PIP5K1B: variants seen among roughly 807,000 people sequenced by gnomAD.
The protein encoded by PIP5K1B is phosphatidylinositol-4-phosphate 5-kinase type 1 beta, also known as phosphatidylinositol 4-phosphate 5-kinase type-1 beta.
In PIP5K1B, 42 loss-of-function variants were observed where a neutral mutation model predicts 67.0. The ratio of observed to expected loss-of-function variants is 0.63; its 90% CI spans 0.49 to 0.81. The LOEUF is 0.81. Among genes scored for constraint, PIP5K1B ranks in the 30% least tolerant of loss-of-function variants. The pLI is 0.00. For synonymous variants in PIP5K1B, 214 were observed against 231.4 expected, an observed-to-expected ratio of 0.92 and a Z score of 0.68; for missense variants, 459 against 646.3, an observed-to-expected ratio of 0.71 and a Z score of 3.14.
chr9:68,867,322 C>T (rs921969289), intron 5 of PIP5K1B, among the ~76,000 whole-genome samples: 4 of 152,228 alleles, frequency 2.6e-5, no homozygotes, highest in African/African-American at 4.8e-5. Context: ...TTTCTTTCAG[C>T]AGATGCTATC....
At chr9:68,766,727 T>A (rs1830445412) in intron 2 of PIP5K1B, among the ~76,000 whole-genome samples, 1 of 152,154 alleles carries the variant, frequency 6.6e-6, no homozygotes, top group African/African-American at 2.4e-5. Flanking sequence ...ATTTTAAATT[T>A]TTTTACAATA....
intron 7 of PIP5K1B, among the ~76,000 whole-genome samples, chr9:68,889,734 C>CAAAAA (rs11349016): frequency 1.3e-5 from 1 of 79,752 alleles, no homozygotes. Context: ...GACTCCTTCT[C>CAAAAA]AAAAAAAAAA....
intron 4 of PIP5K1B, among the ~76,000 whole-genome samples, chr9:68,842,144 T>A (rs1821950708): frequency 6.6e-6 from 1 of 152,206 alleles, no homozygotes; most frequent in Admixed American, 6.5e-5. Context: ...CTTGGATGGC[T>A]AATATACTCC....
At chr9:68,858,851 A>G (rs79265890) in intron 4 of PIP5K1B, among the ~76,000 whole-genome samples, 19,263 of 152,296 alleles carry the variant, frequency 0.13, 1,337 homozygotes, top group Non-Finnish European at 0.16. Flanking sequence ...AATTTTATAG[A>G]TAGTGTGCTG....
At chr9:68,817,398 T>TA (rs976521287) in intron 2 of PIP5K1B, among the ~76,000 whole-genome samples, 13 of 152,178 alleles carry the variant, frequency 8.5e-5, no homozygotes, top group African/African-American at 3.1e-4. Context: ...CCCACAAAAA[T>TA]AAAAGTACTA....
At chr9:68,923,952 C>A (rs2132546015) in intron 12 of PIP5K1B, among the ~76,000 whole-genome samples, 1 of 151,876 alleles carries the variant, frequency 6.6e-6, no homozygotes, top group East Asian at 1.9e-4. Flanking sequence ...GAAAATTAAA[C>A]CACACACTCT....
intron 4 of PIP5K1B, among the ~76,000 whole-genome samples, chr9:68,860,530 GAATGGCTCTCTC>G (rs1413221520): frequency 2.0e-5 from 3 of 152,134 alleles, no homozygotes; most frequent in East Asian, 3.8e-4. Flanking sequence ...TCACCAAAAG[GAATGGCTCTCTC>G]AGAGCTTTTG....
intron 12 of PIP5K1B, among the ~76,000 whole-genome samples, chr9:68,927,415 A>G (rs545981792): frequency 9.2e-5 from 14 of 152,344 alleles, no homozygotes; most frequent in Middle Eastern, 3.4e-3. Flanking sequence ...CAGTTTCTCT[A>G]CATCCTCACT....
At position 68,888,733 on chromosome 9, in the gene PIP5K1B, A is replaced by G. The variant is rs184224883; in HGVS notation, c.319-248A>G. 5.1e-4 allele frequency among the ~76,000 whole-genome samples: 77 copies of G among 152,346 alleles called. 1 individual carries two copies. In the East Asian group the frequency reaches 0.013, roughly 27 times the overall value. On this transcript the variant is annotated intron_variant, in intron 6 of 15. Transcript: ENST00000265382. ...GACTGATAGGATGATTCATGATTCT[A>G]TCGCATGACTCTGGGGGTTAGGAGT...
At chr9:68,766,966 G>A (rs1327294991) in intron 2 of PIP5K1B, among the ~76,000 whole-genome samples, 1 of 152,164 alleles carries the variant, frequency 6.6e-6, no homozygotes, top group African/African-American at 2.4e-5. Flanking sequence ...TAAATTCAAA[G>A]TGCAGGCCCC....
At chr9:68,847,074 T>A (rs1373331869) in intron 4 of PIP5K1B, among the ~76,000 whole-genome samples, 1 of 152,176 alleles carries the variant, frequency 6.6e-6, no homozygotes, top group Non-Finnish European at 1.5e-5. Flanking sequence ...AGCAATTAAG[T>A]CCTCCTGTCT....
intron 8 of PIP5K1B, 87 bp from the exon 9 acceptor site, chr9:68,917,461 C>A: frequency 2.2e-6 from 2 of 909,374 alleles, no homozygotes; most frequent in South Asian, 1.5e-5. Context: ...AGCTGTGTGT[C>A]TGTATATCTA....
chr9:68,970,520 A>G (rs117542800), intron 14 of PIP5K1B, among the ~76,000 whole-genome samples: 2,674 of 152,330 alleles, frequency 0.018, 33 homozygotes, highest in Middle Eastern at 0.068. Flanking sequence ...AAGGCAGAGT[A>G]GGTTGTGAAT....
At chr9:68,891,133 AGCTAC>A (rs1255507627) in intron 7 of PIP5K1B, among the ~76,000 whole-genome samples, 1 of 152,184 alleles carries the variant, frequency 6.6e-6, no homozygotes, top group African/African-American at 2.4e-5. Flanking sequence ...CTGTGGTCCC[AGCTAC>A]TTGGGAGGCT....
chr9:68,914,068 A>T (rs1209696554), intron 8 of PIP5K1B, among the ~76,000 whole-genome samples: 1 of 152,216 alleles, frequency 6.6e-6, no homozygotes, highest in Admixed American at 6.5e-5. Context: ...AAATATAAGA[A>T]AAAGTATTTC....
chr9:68,941,924 C>T (rs546578260), intron 14 of PIP5K1B, among the ~76,000 whole-genome samples: 7 of 152,256 alleles, frequency 4.6e-5, no homozygotes, highest in South Asian at 2.1e-4. Flanking sequence ...GGAGGTTAGG[C>T]GGCCAGTCTA....
intron 2 of PIP5K1B, among the ~76,000 whole-genome samples, chr9:68,817,504 A>G (rs914114028): frequency 6.6e-6 from 1 of 152,228 alleles, no homozygotes; most frequent in Non-Finnish European, 1.5e-5. Context: ...CAGAAGAGTG[A>G]TTGGTTAAAC....
chr9:68,956,452 G>A (rs755593635), intron 14 of PIP5K1B, among the ~76,000 whole-genome samples: 2 of 152,208 alleles, frequency 1.3e-5, no homozygotes, highest in Non-Finnish European at 2.9e-5. Context: ...CTGGGCGACT[G>A]AGGAGACTCT....
intron 13 of PIP5K1B, 62 bp from the exon 14 acceptor site, chr9:68,940,584 T>G: frequency 6.7e-7 from 1 of 1,483,922 alleles, no homozygotes; most frequent in Non-Finnish European, 9.3e-7. Flanking sequence ...TCAATTATTA[T>G]AGATACTAAA....
Sources: allele counts gnomAD v4.1 joint callset (sites outside exome capture counted in the v4.1 genomes callset), GRCh38; gene constraint gnomAD v4.1.1; transcripts MANE v1.5; gene names NCBI Gene and HGNC (gene_info 2026-07-23, HGNC 2026-07-21).